MGMT: variants seen among roughly 807,000 people sequenced by gnomAD.
MGMT encodes O-6-methylguanine-DNA methyltransferase, also known as methylated-DNA--protein-cysteine methyltransferase.
In MGMT, 14 loss-of-function variants were observed where a neutral mutation model predicts 15.9. The observed-to-expected ratio is 0.88, with a 90% CI of 0.58 to 1.37. The LOEUF (loss-of-function observed/expected upper bound fraction) is 1.37, where lower values mean the gene tolerates loss of function less well. MGMT is among the 40% of genes most tolerant of loss of function. The probability of loss-of-function intolerance (pLI) is 0.00; values close to 1 mark genes in which losing one functional copy is unlikely to be tolerated. For missense variants in MGMT, 282 were observed against 268.1 expected (o/e 1.05, Z -0.36); for synonymous variants, 130 against 118.2 (o/e 1.10, Z -0.65).
intron 2 of MGMT, among the ~76,000 whole-genome samples, chr10:129,564,651 CCTCCT>C (rs1846330718): frequency 8.6e-6 from 1 of 116,560 alleles, no homozygotes; most frequent in African/African-American, 3.1e-5. Flanking sequence ...GCTTCCTCAC[CCTCCT>C]CTCCTTCCTC....
chr10:129,608,620 A>G (rs1846921881), intron 2 of MGMT, among the ~76,000 whole-genome samples: 1 of 152,262 alleles, frequency 6.6e-6, no homozygotes, highest in Admixed American at 6.5e-5. Flanking sequence ...GTATAATTAT[A>G]CGCTCTTCGA....
chr10:129,593,321 G>A (rs983445227), intron 2 of MGMT, among the ~76,000 whole-genome samples: 6 of 152,230 alleles, frequency 3.9e-5, no homozygotes, highest in Admixed American at 3.9e-4. Context: ...CCCTTAGAAA[G>A]GTGGGTCCTG....
intron 2 of MGMT, among the ~76,000 whole-genome samples, chr10:129,650,185 G>A (rs537714062): frequency 2.4e-4 from 36 of 152,300 alleles, no homozygotes; most frequent in African/African-American, 8.7e-4. Context: ...GGGTCCTAGT[G>A]GTTTTGAGAC....
At chr10:129,685,040 G>C (rs1342975221) in intron 2 of MGMT, among the ~76,000 whole-genome samples, 1 of 152,142 alleles carries the variant, frequency 6.6e-6, no homozygotes, top group Non-Finnish European at 1.5e-5. Context: ...TGCCTGTCCT[G>C]GTAAACCTGT....
intron 2 of MGMT, among the ~76,000 whole-genome samples, chr10:129,669,623 T>C (rs1311773594): frequency 6.6e-6 from 1 of 152,228 alleles, no homozygotes; most frequent in African/African-American, 2.4e-5. Context: ...AGCTCTTCAA[T>C]TGCACAGTTA....
At chr10:129,758,456 A>G (rs1444158617) in intron 3 of MGMT, among the ~76,000 whole-genome samples, 2 of 151,982 alleles carry the variant, frequency 1.3e-5, no homozygotes, top group African/African-American at 4.8e-5. Flanking sequence ...CGCGTGCCCC[A>G]GTTTCTCTCC....
chr10:129,736,999 C>T (rs1266787587), intron 3 of MGMT, among the ~76,000 whole-genome samples: 1 of 152,166 alleles, frequency 6.6e-6, no homozygotes, highest in Non-Finnish European at 1.5e-5. Context: ...AACATTTTTC[C>T]TTCATTTCAA....
At chr10:129,537,315 T>C (rs1383942978) in intron 2 of MGMT, among the ~76,000 whole-genome samples, 1 of 152,184 alleles carries the variant, frequency 6.6e-6, no homozygotes, top group Non-Finnish European at 1.5e-5. Context: ...CAGTCATAAA[T>C]ATCAGCACTC....
At chr10:129,684,972 A>T (rs1477796590) in intron 2 of MGMT, among the ~76,000 whole-genome samples, 1 of 152,206 alleles carries the variant, frequency 6.6e-6, no homozygotes, top group Non-Finnish European at 1.5e-5. Flanking sequence ...ATGTGATGCT[A>T]CAGTTCTATG....
At chr10:129,702,462 C>T (rs1848110235) in intron 2 of MGMT, among the ~76,000 whole-genome samples, 1 of 152,164 alleles carries the variant, frequency 6.6e-6, no homozygotes, top group South Asian at 2.1e-4. Flanking sequence ...CTAGGAGAGG[C>T]CTAGGGGAGG....
At chr10:129,588,695 C>T (rs1421297734) in intron 2 of MGMT, among the ~76,000 whole-genome samples, 2 of 152,218 alleles carry the variant, frequency 1.3e-5, no homozygotes, top group Non-Finnish European at 2.9e-5. Context: ...GGATAGTGCC[C>T]TCAGCCCATA....
At chr10:129,492,450 A>G (rs1050364076) in intron 1 of MGMT, among the ~76,000 whole-genome samples, 2 of 152,106 alleles carry the variant, frequency 1.3e-5, no homozygotes, top group Admixed American at 6.5e-5. Context: ...CGTAAGTGCT[A>G]TTAGATTAAG....
chr10:129,707,072 G>C (rs1848172287), intron 2 of MGMT, among the ~76,000 whole-genome samples: 1 of 152,024 alleles, frequency 6.6e-6, no homozygotes, highest in African/African-American at 2.4e-5. Context: ...GACCAGCCTG[G>C]CCAACGTGAT....
chr10:129,630,947 G>C (rs1847203268), intron 2 of MGMT, among the ~76,000 whole-genome samples: 2 of 152,172 alleles, frequency 1.3e-5, no homozygotes, highest in African/African-American at 4.8e-5. Flanking sequence ...GTGCATTGCT[G>C]TCCAGAAATC....
At chr10:129,480,043 A>C (rs895763101) in intron 1 of MGMT, among the ~76,000 whole-genome samples, 1 of 152,220 alleles carries the variant, frequency 6.6e-6, no homozygotes, top group Non-Finnish European at 1.5e-5. Context: ...ATTTTCCATA[A>C]AAACCAATTA....
intron 3 of MGMT, among the ~76,000 whole-genome samples, chr10:129,710,888 T>C (rs1848225665): frequency 6.6e-6 from 1 of 152,248 alleles, no homozygotes; most frequent in South Asian, 2.1e-4. Context: ...TTTTAATTTC[T>C]GTATATGTTT....
At chr10:129,568,326 T>C (rs1846378621) in intron 2 of MGMT, among the ~76,000 whole-genome samples, 1 of 152,184 alleles carries the variant, frequency 6.6e-6, no homozygotes, top group Non-Finnish European at 1.5e-5. Context: ...GACACTGGGG[T>C]GCCACGGGGA....
chr10:129,673,960 T>A (rs1847755510), intron 2 of MGMT, among the ~76,000 whole-genome samples: 1 of 152,214 alleles, frequency 6.6e-6, no homozygotes, highest in South Asian at 2.1e-4. Context: ...TGCTTCTGTC[T>A]GGGTTTGAAC....
intron 3 of MGMT, among the ~76,000 whole-genome samples, chr10:129,732,944 A>G (rs549481646): frequency 8.5e-4 from 127 of 149,630 alleles, no homozygotes; most frequent in African/African-American, 3.1e-3. Flanking sequence ...CATTTTCTTA[A>G]TCCAGTCTAT....
Sources: gnomAD v4.1 joint callset for allele counts (sites outside exome capture counted in the v4.1 genomes callset) on GRCh38, gnomAD v4.1.1 for gene constraint, MANE v1.5 for transcripts, NCBI Gene and HGNC (gene_info 2026-07-23, HGNC 2026-07-21) for gene names.